ASIC2: variants seen among roughly 807,000 people sequenced by gnomAD.
The protein encoded by ASIC2 is acid-sensing ion channel 2.
A neutral mutation model predicts 57.3 loss-of-function variants in ASIC2; 25 were observed. The ratio of observed to expected loss-of-function variants is 0.44; its 90% CI spans 0.32 to 0.61. The LOEUF (loss-of-function observed/expected upper bound fraction) is 0.61. Among genes scored for constraint, ASIC2 ranks in the 20% least tolerant of loss-of-function variants. The pLI is 0.06. For missense variants in ASIC2, 641 were observed against 738.1 expected (o/e 0.87, Z 1.52); for synonymous variants, 319 against 307.5 (o/e 1.04, Z -0.39).
chr17:33,517,163 T>C (rs1914597392), intron 1 of ASIC2, among the ~76,000 whole-genome samples: 1 of 152,234 alleles, frequency 6.6e-6, no homozygotes, highest in Non-Finnish European at 1.5e-5. Flanking sequence ...TTGCCCAGGC[T>C]GGAGTGCAGT....
chr17:34,087,487 C>T (rs1448766325), intron 1 of ASIC2, among the ~76,000 whole-genome samples: 3 of 152,120 alleles, frequency 2.0e-5, no homozygotes, highest in African/African-American at 7.2e-5. Context: ...TTCCTTCATT[C>T]CAACTTTGGT....
chr17:33,109,412 T>C (rs1202445927), intron 2 of ASIC2, among the ~76,000 whole-genome samples: 1 of 152,172 alleles, frequency 6.6e-6, no homozygotes, highest in Non-Finnish European at 1.5e-5. Flanking sequence ...CTGTTTCTTC[T>C]GCCCCATCCA....
At chr17:33,813,873 A>C (rs917265290) in intron 1 of ASIC2, among the ~76,000 whole-genome samples, 1 of 152,084 alleles carries the variant, frequency 6.6e-6, no homozygotes, top group African/African-American at 2.4e-5. Context: ...TCATACCCAC[A>C]CGTTTCCGCA....
At chr17:33,611,744 C>T (rs1455803899) in intron 1 of ASIC2, among the ~76,000 whole-genome samples, 4 of 152,238 alleles carry the variant, frequency 2.6e-5, no homozygotes, top group Admixed American at 1.3e-4. Context: ...CACATAGCAT[C>T]CACTAAAATC....
intron 1 of ASIC2, among the ~76,000 whole-genome samples, chr17:33,640,760 G>GA (rs1297125358): frequency 5.3e-5 from 8 of 150,042 alleles, no homozygotes; most frequent in Non-Finnish European, 1.0e-4. Flanking sequence ...CTCAACAGAT[G>GA]CTTTAGTTAT....
chr17:33,959,938 C>T (rs1044793033), intron 1 of ASIC2, among the ~76,000 whole-genome samples: 2 of 152,312 alleles, frequency 1.3e-5, no homozygotes, highest in African/African-American at 4.8e-5. Context: ...TGATAGAGCC[C>T]AATGTCTCCT....
At chr17:34,016,423 C>CAAAAAAAAAA (rs398041640) in intron 1 of ASIC2, among the ~76,000 whole-genome samples, 28 of 41,450 alleles carry the variant, frequency 6.8e-4, no homozygotes, top group African/African-American at 1.9e-3. Flanking sequence ...GACTCCGTCT[C>CAAAAAAAAAA]AAAAAAAAAA....
At chr17:33,676,751 G>C (rs1907834991) in intron 1 of ASIC2, among the ~76,000 whole-genome samples, 1 of 152,246 alleles carries the variant, frequency 6.6e-6, no homozygotes, top group Non-Finnish European at 1.5e-5. Flanking sequence ...AAGTTATCGA[G>C]AAAATCTAGC....
rs79502841 is a variant in ASIC2 at position 33,671,266 on chromosome 17, T to C, written c.555+484712A>G. Among the ~76,000 whole-genome samples the C allele has an allele frequency of 3.7e-3, 565 of 152,292 alleles. 4 individuals carry two copies. The highest frequency in any genetic ancestry group is 0.013 in the African/African-American group (551 of 41,546). On this transcript the variant is annotated intron_variant, in intron 1 of 9. Transcript: ENST00000359872. ...CCCCTCCAACACACAAACACATGCA[T>C]GTGCACACATGTACACACGCACACC...
At chr17:33,454,624 A>G (rs1470833540) in intron 1 of ASIC2, among the ~76,000 whole-genome samples, 1 of 152,224 alleles carries the variant, frequency 6.6e-6, no homozygotes, top group East Asian at 1.9e-4. Flanking sequence ...ACAGCACATA[A>G]ATATAGCAAT....
At position 33,363,894 on chromosome 17, in the gene ASIC2, C is replaced by T. The variant is rs527600714; in HGVS notation, c.556-251827G>A. On this transcript the variant is annotated intron_variant, in intron 1 of 9. Coordinates refer to the ASIC2 transcript ENST00000359872. ...TCTCACCCTTTCCTGGGGCAGCCACCTGGGCTTTGGGTACCACCTGCAGCC... is the reference window on the plus strand; with the variant it reads ...TCTCACCCTTTCCTGGGGCAGCCACTTGGGCTTTGGGTACCACCTGCAGCC... Among the ~76,000 whole-genome samples, 18 of 152,302 alleles carry T rather than the reference C, an allele frequency of 1.2e-4. 1 individual carries two copies. In the South Asian group the frequency reaches 2.9e-3, roughly 25 times the overall value.
intron 1 of ASIC2, among the ~76,000 whole-genome samples, chr17:33,882,450 G>A (rs1032479436): frequency 2.6e-5 from 4 of 152,178 alleles, no homozygotes; most frequent in Non-Finnish European, 4.4e-5. Context: ...AGTGGGCGAA[G>A]GATATGAACA....
chr17:33,188,492 G>T lies in ASIC2; in HGVS notation c.709-76425C>A, dbSNP rs560156176. ...GAACTGCAAATATAAAAAACATGTAGAAAATCACATCAAAGCATATCAAAA... is the reference window on the plus strand; with the variant it reads ...GAACTGCAAATATAAAAAACATGTATAAAATCACATCAAAGCATATCAAAA... On this transcript the variant is annotated intron_variant, in intron 1 of 9. Coordinates refer to ENST00000225823, the MANE Select transcript of ASIC2 (RefSeq NM_183377.2). Among the ~76,000 whole-genome samples the T allele has an allele frequency of 4.6e-5, 7 of 152,152 alleles. No homozygotes were observed. The East Asian group carries it at 9.7e-4, about 21-fold the overall frequency.
intron 1 of ASIC2, among the ~76,000 whole-genome samples, chr17:33,667,161 T>C (rs1370098902): frequency 6.6e-6 from 1 of 152,138 alleles, no homozygotes; most frequent in Non-Finnish European, 1.5e-5. Flanking sequence ...AACCACCTAT[T>C]GGATGCACAG....
chr17:33,144,565 A>C (rs77384761), intron 1 of ASIC2, among the ~76,000 whole-genome samples: 15 of 152,270 alleles, frequency 9.9e-5, no homozygotes, highest in Admixed American at 5.9e-4. Flanking sequence ...TGTGTAAGTG[A>C]GAGAGTCCTA....
At chr17:33,067,754 T>A (rs1190818395) in intron 3 of ASIC2, among the ~76,000 whole-genome samples, 1 of 152,120 alleles carries the variant, frequency 6.6e-6, no homozygotes, top group East Asian at 1.9e-4. Context: ...ACAGCAACTT[T>A]GCAAAGTTAA....
intron 1 of ASIC2, among the ~76,000 whole-genome samples, chr17:33,536,026 G>A (rs1057035053): frequency 2.0e-5 from 3 of 152,232 alleles, no homozygotes; most frequent in Non-Finnish European, 4.4e-5. Context: ...GCACCACAAA[G>A]TGGCCTCGGG....
At chr17:33,364,654 G>A (rs1000990033) in intron 1 of ASIC2, among the ~76,000 whole-genome samples, 9 of 152,102 alleles carry the variant, frequency 5.9e-5, no homozygotes, top group Admixed American at 1.3e-4. Flanking sequence ...CACCATGATC[G>A]TGAGTTTCCT....
chr17:34,102,734 T>C (rs1910910040), intron 1 of ASIC2, among the ~76,000 whole-genome samples: 2 of 152,240 alleles, frequency 1.3e-5, no homozygotes, highest in Non-Finnish European at 2.9e-5. Flanking sequence ...TCATGAGTAT[T>C]GGGGCTGTTT....
Sources: gnomAD v4.1 joint callset for allele counts (sites outside exome capture counted in the v4.1 genomes callset) on GRCh38, gnomAD v4.1.1 for gene constraint, MANE v1.5 for transcripts, NCBI Gene and HGNC (gene_info 2026-07-23, HGNC 2026-07-21) for gene names.